The following ARL15 variants were observed in gnomAD, a reference collection of about 807,000 sequenced individuals.
ARL15 encodes the protein ARF like GTPase 15, also known as ADP-ribosylation factor-like protein 15.
ARL15 carries 19 observed loss-of-function variants against 25.2 expected under a neutral mutation model. The ratio of observed to expected loss-of-function variants is 0.75; its 90% CI spans 0.53 to 1.10. The LOEUF (loss-of-function observed/expected upper bound fraction) is 1.10, where lower values mean the gene tolerates loss of function less well. ARL15 is among the 50% of genes least tolerant of loss of function. The pLI is 0.00. For synonymous variants in ARL15, 94 were observed against 86.8 expected (o/e 1.08, Z -0.46); for missense variants, 220 against 246.0 (o/e 0.89, Z 0.71).
chr5:54,064,298 C>T (rs1751151499), intron 4 of ARL15, among the ~76,000 whole-genome samples: 1 of 152,130 alleles, frequency 6.6e-6, no homozygotes, highest in Admixed American at 6.5e-5. Context: ...AGGACAAGAT[C>T]CATACTAAAT....
At chr5:53,961,802 G>A (rs1747381930) in intron 4 of ARL15, among the ~76,000 whole-genome samples, 1 of 152,126 alleles carries the variant, frequency 6.6e-6, no homozygotes, top group Non-Finnish European at 1.5e-5. Flanking sequence ...GTGTTGGCAT[G>A]TATTAATTTA....
chr5:54,156,281 G>C (rs1312312866), intron 2 of ARL15, among the ~76,000 whole-genome samples: 2 of 152,174 alleles, frequency 1.3e-5, no homozygotes, highest in Admixed American at 1.3e-4. Context: ...TGAAATTCTA[G>C]CTCTGTCCCT....
At chr5:54,085,871 C>T (rs1160046660) in intron 4 of ARL15, among the ~76,000 whole-genome samples, 1 of 151,020 alleles carries the variant, frequency 6.6e-6, no homozygotes, top group Non-Finnish European at 1.5e-5. Context: ...ACTGAAATAC[C>T]TATATTCTCT....
chr5:53,891,213 T>A (rs1452883379), intron 4 of ARL15, among the ~76,000 whole-genome samples: 3 of 152,216 alleles, frequency 2.0e-5, no homozygotes, highest in Non-Finnish European at 4.4e-5. Context: ...GAACTAGTTT[T>A]CCTGTAAGCA....
intron 1 of ARL15, among the ~76,000 whole-genome samples, chr5:54,309,117 C>G (rs1758833522): frequency 6.6e-6 from 1 of 152,154 alleles, no homozygotes; most frequent in Admixed American, 6.5e-5. Flanking sequence ...TCCCCGTAAC[C>G]AGCTACAGTA....
chr5:54,070,008 G>T (rs1751370547), intron 4 of ARL15, among the ~76,000 whole-genome samples: 1 of 151,610 alleles, frequency 6.6e-6, no homozygotes, highest in South Asian at 2.1e-4. Flanking sequence ...GTCATGAAGG[G>T]TTTTGCCCTT....
chr5:54,141,610 A>G (rs1041785527), intron 3 of ARL15, among the ~76,000 whole-genome samples: 12 of 152,202 alleles, frequency 7.9e-5, no homozygotes, highest in Non-Finnish European at 1.3e-4. Context: ...TGACATGTAT[A>G]CATGGTGAAA....
At position 54,282,743 on chromosome 5, in the gene ARL15, G is replaced by C. The variant is rs568386220; in HGVS notation, c.48+27689C>G. 1.3e-3 allele frequency among the ~76,000 whole-genome samples: 197 copies of C among 152,080 alleles called. 1 individual carries two copies. Among genetic ancestry groups the C allele is most frequent in the African/African-American group, 4.6e-3 (189 of 41,490 alleles). On this transcript the variant is annotated intron_variant, in intron 1 of 4. Transcript: ENST00000504924. ...ATAAAAGTCTATAATCCTTATAATG[G>C]ATAGAAAAAAATCTCTATAAAAGGG...
At chr5:54,116,099 T>A (rs896969131) in intron 3 of ARL15, among the ~76,000 whole-genome samples, 1 of 152,136 alleles carries the variant, frequency 6.6e-6, no homozygotes, top group Non-Finnish European at 1.5e-5. Flanking sequence ...AGTTGTCTAG[T>A]CCAAAGGCAA....
intron 1 of ARL15, among the ~76,000 whole-genome samples, chr5:54,212,032 A>C (rs553535612): frequency 6.6e-6 from 1 of 152,316 alleles, no homozygotes; most frequent in Non-Finnish European, 1.5e-5. Flanking sequence ...TAGGTGCTTT[A>C]AACGGCATCA....
At chr5:54,274,275 A>C (rs1757866624) in intron 1 of ARL15, among the ~76,000 whole-genome samples, 1 of 152,196 alleles carries the variant, frequency 6.6e-6, no homozygotes, top group Non-Finnish European at 1.5e-5. Flanking sequence ...GGACTCACAA[A>C]GGCATGTGGC....
chr5:54,104,246 T>C (rs1752524493), intron 4 of ARL15, among the ~76,000 whole-genome samples: 1 of 152,198 alleles, frequency 6.6e-6, no homozygotes, highest in Non-Finnish European at 1.5e-5. Context: ...TGTAATTCAT[T>C]GGCTTCAGGC....
rs771075344 is a variant in ARL15, at chr5:53,991,563, G to GAAAAA, written c.463-104851_463-104850insTTTTT. 5.8e-3 allele frequency among the ~76,000 whole-genome samples: 747 copies of GAAAAA among 127,782 alleles called. 27 individuals carry two copies. The highest frequency in any genetic ancestry group is 0.014 in the African/African-American group (478 of 34,122). The allele number at this position is 127,782 out of a possible 152,430, so 83.8% of individuals were successfully genotyped here. ...ATCTCAAAAAAAAAAAAAAAAAAAG[G>GAAAAA]GGGGGCGGGGGGCAATTGAAGCAAT... On this transcript the variant is annotated intron_variant, in intron 4 of 4. Transcript: ENST00000504924.
chr5:54,223,390 AGC>A (rs1439506231), intron 1 of ARL15, among the ~76,000 whole-genome samples: 3 of 152,210 alleles, frequency 2.0e-5, no homozygotes, highest in Non-Finnish European at 2.9e-5. Flanking sequence ...ATTTAATGGT[AGC>A]TTTCTTGTGG....
At chr5:54,146,283 A>G (rs966695026) in intron 3 of ARL15, among the ~76,000 whole-genome samples, 12 of 152,188 alleles carry the variant, frequency 7.9e-5, no homozygotes, top group African/African-American at 2.2e-4. Flanking sequence ...ATAATCCTGT[A>G]CAGAGGTTAG....
chr5:54,214,802 G>T (rs1756136336), intron 1 of ARL15, among the ~76,000 whole-genome samples: 1 of 152,006 alleles, frequency 6.6e-6, no homozygotes, highest in Non-Finnish European at 1.5e-5. Flanking sequence ...TTCCTTGCAG[G>T]AACCTGTGAC....
At chr5:54,264,150 C>T (rs537957139) in intron 1 of ARL15, among the ~76,000 whole-genome samples, 1 of 152,254 alleles carries the variant, frequency 6.6e-6, no homozygotes, top group East Asian at 1.9e-4. Flanking sequence ...CCTCTGAAAG[C>T]TGCTCAATAC....
At chr5:54,165,101 T>C (rs969880445) in intron 2 of ARL15, among the ~76,000 whole-genome samples, 2 of 152,058 alleles carry the variant, frequency 1.3e-5, no homozygotes, top group African/African-American at 2.4e-5. Flanking sequence ...ATTATACGAC[T>C]TCACATATAG....
At position 53,899,937 on chromosome 5, in the gene ARL15, G is replaced by A. The variant is rs569532271; in HGVS notation, c.463-13224C>T. 5.3e-5 allele frequency among the ~76,000 whole-genome samples: 8 copies of A among 152,184 alleles called. No individual in the cohort carries two copies. In the East Asian group the frequency reaches 7.7e-4, roughly 15 times the overall value. The stretch of plus-strand genomic sequence containing the variant: ...ATCTATTTATCCAATTCTACATTGC[G>A]GAGTTCACTTGTAGCAACCACTTCT... On this transcript the variant is annotated intron_variant, in intron 4 of 4. Coordinates refer to ENST00000504924, the MANE Select transcript of ARL15 (RefSeq NM_019087.3).
Sources: allele counts gnomAD v4.1 joint callset (sites outside exome capture counted in the v4.1 genomes callset), GRCh38; gene constraint gnomAD v4.1.1; transcripts MANE v1.5; gene names NCBI Gene and HGNC (gene_info 2026-07-23, HGNC 2026-07-21).